Variants in ABCF3 observed in about 807,000 individuals in gnomAD.
ABCF3 encodes ATP-binding cassette sub-family F member 3.
Under a neutral mutation model 94.3 loss-of-function variants are expected in ABCF3, and 62 were observed. The ratio of observed to expected loss-of-function variants is 0.66; its 90% CI spans 0.54 to 0.81. ABCF3 has a LOEUF of 0.81. Ranked by LOEUF, ABCF3 falls within the 40% of genes least tolerant of loss-of-function variation. The pLI, the probability that ABCF3 is intolerant of heterozygous loss-of-function variation, is 0.00. For synonymous variants in ABCF3, 355 were observed against 361.1 expected (o/e 0.98, Z 0.19); for missense variants, 843 against 925.3 (o/e 0.91, Z 1.15).
chr3:184,191,162 G>T lies in ABCF3; in HGVS notation c.1476G>T (p.Leu492=). The T allele has an allele frequency of 1.9e-6, 3 of 1,614,194 alleles. No individual in the cohort carries two copies. Among genetic ancestry groups the T allele is most frequent in the Non-Finnish European group, 2.5e-6 (3 of 1,180,036 alleles). ...DGFEKFSPPI[L]QLDEVDFYYD... The stretch of plus-strand genomic sequence containing the variant: ...TTGAGAAGTTCTCGCCGCCAATTCT[G>T]CAGCTAGATGAGGTGGATTTCTACT... The change falls in exon 16 of 21, where the codon CTG becomes CTT. Residue 492 remains leucine, a synonymous_variant. Transcript: ENST00000429586.
intron 6 of ABCF3, 71 bp from the exon 7 acceptor site, chr3:184,188,070 T>C (rs1009436981): frequency 6.2e-7 from 1 of 1,611,370 alleles, no homozygotes; most frequent in African/African-American, 1.3e-5. Flanking sequence ...TAAACAATGT[T>C]AGGTTTGTCA....
intron 18 of ABCF3, 33 bp downstream of exon 18, chr3:184,192,929 T>G: frequency 6.2e-7 from 1 of 1,611,330 alleles, no homozygotes; most frequent in South Asian, 1.1e-5. Context: ...GGGAAGAGTT[T>G]GAGTAGGGAA....
chr3:184,193,622 T>G lies in ABCF3; in HGVS notation c.2054T>G (p.Val685Gly), dbSNP rs768310814. 3 of 1,614,108 alleles carry G rather than the reference T, an allele frequency of 1.9e-6. No individual in the cohort carries two copies. Among genetic ancestry groups the G allele is most frequent in the Non-Finnish European group, 2.5e-6 (3 of 1,179,978 alleles). ...RELWVCEGGG[V>G]TRVEGGFDQY... is the part of the protein sequence containing the mutation. ...TTGTGGGTATGCGAAGGAGGCGGCG[T>G]CACCCGTGTGGAAGGAGGATTTGAC... The change falls in exon 21 of 21, where the codon GTC becomes GGC. Residue 685 changes from valine (V) to glycine (G), a missense_variant. Val to Gly is a moderately radical substitution (Grantham distance 109). Transcript: ENST00000429586. The surrounding 1 kb of genome is among the most constrained non-coding windows in gnomAD (Gnocchi z 5.2).
rs757152658 is a variant in ABCF3 at position 184,188,382 on chromosome 3, C to G, written c.811C>G (p.Leu271Val). The G allele has an allele frequency of 6.2e-7, 1 of 1,610,430 alleles. No homozygotes were observed. Among genetic ancestry groups the G allele is most frequent in the East Asian group, 2.2e-5 (1 of 44,802 alleles). ...REDLLRRERE[L>V]TAQIAAGRAE... ...GGATTTGCTACGGAGGGAGCGGGAG[C>G]TCACTGCCCAGATTGCTGCTGGCAG... Residue 271 changes from leucine to valine, a missense_variant, in exon 7 of 21, where the codon CTC becomes GTC. Leu to Val is a conservative substitution (Grantham distance 32). Transcript: ENST00000429586.
chr3:184,189,194 C>G, intron 10 of ABCF3, 50 bp downstream of exon 10: 6 of 1,614,150 alleles, frequency 3.7e-6, no homozygotes, highest in Non-Finnish European at 5.1e-6. Context: ...TTGGTCTTAG[C>G]TCTTGGGAGG....
At position 184,187,930 on chromosome 3, in the gene ABCF3, G is replaced by C. The variant is rs1174453477; in HGVS notation, c.516G>C (p.Lys172Asn). Residue 172 changes from lysine (K) to asparagine (N), a missense_variant, in exon 6 of 21, where the codon AAG (lysine) becomes AAC (asparagine). Lys to Asn is a moderately conservative substitution (Grantham distance 94). Transcript: ENST00000429586. ...RKESRLESSG[K>N]NKSYDVRIEN... ...AGAGTCGGTTGGAATCATCTGGCAA[G>C]AACAAATCCTATGATGTGCGAATTG... is the stretch of plus-strand genomic sequence containing the variant. 6.2e-7 allele frequency: 1 copy of C among 1,614,140 alleles called. No homozygotes were observed. Among genetic ancestry groups the C allele is most frequent in the East Asian group, 2.2e-5 (1 of 44,886 alleles).
At position 184,188,895 on chromosome 3, in the gene ABCF3, T is replaced by C. The variant is rs780539847; in HGVS notation, c.918-34T>C. ...GATTTCCTTTCCCTTCTGTGGACTG[T>C]TCCAACTGAGTTCTTCGATTTCTTC... On this transcript the variant is annotated intron_variant, in intron 8 of 20. Transcript: ENST00000429586. 3.7e-6 allele frequency: 6 copies of C among 1,613,760 alleles called. No homozygotes were observed. In the South Asian group the frequency reaches 6.6e-5, roughly 18 times the overall value.
intron 8 of ABCF3, 39 bp downstream of exon 8, chr3:184,188,880 C>T (rs1715825134): frequency 2.5e-6 from 4 of 1,614,164 alleles, no homozygotes; most frequent in Non-Finnish European, 3.4e-6. Flanking sequence ...GATTTCCTTT[C>T]CCTTCTGTGG....
rs1316300769 is a variant in ABCF3, at chr3:184,186,555, T to A, written c.122T>A (p.Val41Glu). ...GACTTCGAGTCTGTGGATGACCTGG[T>A]GGAAGCTGTAGGGGAACTATTGCAA... ...SADFESVDDL[V>E]EAVGELLQEV... is the part of the protein sequence containing the mutation. The change falls in exon 2 of 21, where the codon GTG (valine) becomes GAG (glutamate). Residue 41 changes from valine (V) to glutamate (E), a missense_variant. Physicochemically the swap from Val to Glu is moderately radical, Grantham distance 121 (BLOSUM62 -2). Transcript: ENST00000429586. The A allele has an allele frequency of 1.9e-6, 3 of 1,613,880 alleles. No homozygotes were observed. Among genetic ancestry groups the A allele is most frequent in the Non-Finnish European group, 2.5e-6 (3 of 1,179,898 alleles).
rs61291330 is a variant in ABCF3, at chr3:184,187,217, AGTTTT to A, written c.302-154_302-150del. ...CTATGCCTCTGTATCCTTCTACGTG[AGTTTT>A]GTTTTGTTTTGTTTTGTTTTGTTTT... is the stretch of plus-strand genomic sequence containing the variant. On this transcript the variant is annotated intron_variant, in intron 3 of 20. Coordinates refer to ENST00000429586, the MANE Select transcript of ABCF3 (RefSeq NM_018358.3). 3,212 of 737,892 alleles carry A rather than the reference AGTTTT, an allele frequency of 4.4e-3. 37 individuals are homozygous for A. Among genetic ancestry groups the A allele is most frequent in the East Asian group, 0.035 (1,261 of 36,494 alleles). The allele number at this position is 737,892 out of a possible 1,614,324, so 45.7% of individuals were successfully genotyped here.
At position 184,193,347 on chromosome 3, in the gene ABCF3, C is replaced by T. The variant is rs904456424; in HGVS notation, c.1884-18C>T. On this transcript the variant is annotated intron_variant, in intron 19 of 20. Transcript: ENST00000429586. The surrounding 1 kb of genome is among the most constrained non-coding windows in gnomAD (Gnocchi z 5.2). Reference sequence around the variant, plus strand: ...ACCGCACCCCTTCACTGCCCACCTTCCTGGTTCTGCCTTCCAGCCCCAACT... The same window carrying T: ...ACCGCACCCCTTCACTGCCCACCTTTCTGGTTCTGCCTTCCAGCCCCAACT... The T allele has an allele frequency of 1.4e-5, 22 of 1,614,170 alleles. No homozygotes were observed. The highest frequency in any genetic ancestry group is 1.9e-5 in the Non-Finnish European group (22 of 1,180,024).
At position 184,186,857 on chromosome 3, in the gene ABCF3, A is replaced by G. The variant is rs778706360; in HGVS notation, c.283A>G (p.Lys95Glu). Residue 95 changes from lysine (K) to glutamate (E), a missense_variant, in exon 3 of 21, where the codon AAG becomes GAG. By Grantham distance (56) the Lys-to-Glu change is moderately conservative. Transcript: ENST00000429586. Reference sequence around the variant, plus strand: ...ACTGGACGCCCCTATCCAGTTGTCAAAGATAACGGAGAACTACGGTGAGAG... The same window carrying G: ...ACTGGACGCCCCTATCCAGTTGTCAGAGATAACGGAGAACTACGGTGAGAG... ...VLLDAPIQLS[K>E]ITENYDCGTK... The G allele has an allele frequency of 1.2e-6, 2 of 1,613,850 alleles. No homozygotes were observed. Among genetic ancestry groups the G allele is most frequent in the East Asian group, 2.2e-5 (1 of 44,892 alleles).
chr3:184,187,080 A>G lies in ABCF3; in HGVS notation c.301+205A>G, dbSNP rs2942057. 0.52 allele frequency: 333,800 copies of G among 636,730 alleles called. 88,513 individuals carry two copies. The highest frequency in any genetic ancestry group is 0.64 in the East Asian group (23,247 of 36,176). The allele number at this position is 636,730 out of a possible 1,614,324, so 39.4% of individuals were successfully genotyped here. On this transcript the variant is annotated intron_variant, in intron 3 of 20. Transcript: ENST00000429586. The stretch of plus-strand genomic sequence containing the variant: ...TTCTCCCTCCAAGCTCTTGGGTAGG[A>G]TAGGAAGCATAAGAGCCTGGAGCTG...
Position 184,188,330 on chromosome 3 carries a change from T to A in ABCF3, c.759T>A (p.Ser253Arg). ...GAGATGACACTCCTGCCCTGCAGAGTGTGCTGGAGAGTGACAGTGTGCGAG... is the reference window on the plus strand; with the variant it reads ...GAGATGACACTCCTGCCCTGCAGAGAGTGCTGGAGAGTGACAGTGTGCGAG... Reference protein sequence around the residue: ...VAGDDTPALQSVLESDSVRED... With the variant: ...VAGDDTPALQRVLESDSVRED... Residue 253 changes from serine (S) to arginine (R), a missense_variant, in exon 7 of 21, where the codon AGT (serine) becomes AGA (arginine). Physicochemically the swap from Ser to Arg is moderately radical, Grantham distance 110. Transcript: ENST00000429586. 6.2e-7 allele frequency: 1 copy of A among 1,613,938 alleles called. No homozygotes were observed. The highest frequency in any genetic ancestry group is 8.5e-7 in the Non-Finnish European group (1 of 1,180,004).
At chr3:184,191,628 T>G (rs1350783505) in intron 16 of ABCF3, among the ~76,000 whole-genome samples, 2 of 152,002 alleles carry the variant, frequency 1.3e-5, no homozygotes, top group African/African-American at 4.8e-5. Flanking sequence ...GCTTCCTAAC[T>G]CTTAAGATGG....
Position 184,186,548 on chromosome 3 carries a change from G to A in ABCF3, c.115G>A (p.Asp39Asn). The change falls in exon 2 of 21, where the codon GAC (aspartate) becomes AAC (asparagine). Residue 39 changes from aspartate to asparagine, a missense_variant. Transcript: ENST00000429586. ...SGSADFESVD[D>N]LVEAVGELLQ... ...CAGCGCGGACTTCGAGTCTGTGGAT[G>A]ACCTGGTGGAAGCTGTAGGGGAACT... 2.5e-6 allele frequency: 4 copies of A among 1,613,922 alleles called. No individual in the cohort carries two copies. The highest frequency in any genetic ancestry group is 3.4e-6 in the Non-Finnish European group (4 of 1,179,888).
Position 184,193,596 on chromosome 3 carries a change from G to T in ABCF3, c.2028G>T (p.Glu676Asp). 1 of 1,614,228 alleles carries T rather than the reference G, an allele frequency of 6.2e-7. No homozygotes were observed. Among genetic ancestry groups the T allele is most frequent in the Non-Finnish European group, 8.5e-7 (1 of 1,180,034 alleles). Reference protein sequence around the residue: ...DERFIRLVCRELWVCEGGGVT... With the variant: ...DERFIRLVCRDLWVCEGGGVT... ...GCTTTATCAGGCTGGTGTGCCGGGA[G>T]TTGTGGGTATGCGAAGGAGGCGGCG... Residue 676 changes from glutamate (E) to aspartate (D), a missense_variant, in exon 21 of 21, where the codon GAG becomes GAT. By Grantham distance (45) the Glu-to-Asp change is conservative. Coordinates refer to ENST00000429586, the MANE Select transcript of ABCF3 (RefSeq NM_018358.3). The surrounding 1 kb of genome is among the most constrained non-coding windows in gnomAD (Gnocchi z 5.2).
chr3:184,187,229 T>C (rs1257614504), intron 3 of ABCF3, 168 bp from the exon 4 acceptor site: 4 of 793,786 alleles, frequency 5.0e-6, no homozygotes, highest in Non-Finnish European at 8.4e-6. Flanking sequence ...TTTTGTTTTG[T>C]TTTGTTTTGT....
Position 184,193,473 on chromosome 3 carries a change from A to G in ABCF3, c.1971+21A>G. 1.2e-6 allele frequency: 2 copies of G among 1,613,750 alleles called. No individual in the cohort carries two copies. The highest frequency in any genetic ancestry group is 2.7e-5 in the African/African-American group (2 of 74,870). ...TCAGGGTGAGTGTGCCTTCACCCTG[A>G]CCACTCCTCCCAGGCCTCGGTGCCT... On this transcript the variant is annotated intron_variant, in intron 20 of 20. Transcript: ENST00000429586. This position sits in a 1 kb window ranked among gnomAD's most constrained non-coding sequence, Gnocchi z 5.2.
Sources: allele counts gnomAD v4.1 joint callset (sites outside exome capture counted in the v4.1 genomes callset), GRCh38; gene constraint gnomAD v4.1.1; non-coding constraint Gnocchi (gnomAD v3.1); transcripts MANE v1.5; gene names NCBI Gene and HGNC (gene_info 2026-07-23, HGNC 2026-07-21).